Variants in TMEM14B observed in about 807,000 individuals in gnomAD.
The protein encoded by TMEM14B is transmembrane protein 14B.
Under a neutral mutation model 14.8 loss-of-function variants are expected in TMEM14B, and 9 were observed. The observed-to-expected ratio is 0.61, with a 90% CI of 0.37 to 1.06. The LOEUF is 1.06. TMEM14B is among the 50% of genes least tolerant of loss of function. The pLI is 0.01. For synonymous variants in TMEM14B, 40 were observed against 51.3 expected, an observed-to-expected ratio of 0.78 and a Z score of 0.94; for missense variants, 128 against 143.6, an observed-to-expected ratio of 0.89 and a Z score of 0.56.
chr6:10,751,233 A>G lies in TMEM14B; in HGVS notation c.201A>G (p.Leu67=), dbSNP rs1771550540. 1 of 1,613,564 alleles carries G rather than the reference A, an allele frequency of 6.2e-7. No individual in the cohort carries two copies. Among genetic ancestry groups the G allele is most frequent in the South Asian group, 1.1e-5 (1 of 91,086 alleles). ...YQDPRNVWGF[L]AATSVTFVGV... Reference sequence around the variant, plus strand: ...ATCCAAGGAACGTTTGGGGTTTCCTAGGTATGTCTGCTTCAGCGTCTCCTT... The same window carrying G: ...ATCCAAGGAACGTTTGGGGTTTCCTGGGTATGTCTGCTTCAGCGTCTCCTT... Residue 67 remains leucine (L), a splice_region_variant and synonymous_variant, in exon 4 of 6, where the codon CTA becomes CTG. Coordinates refer to ENST00000379542, the MANE Select transcript of TMEM14B (RefSeq NM_030969.5).
At chr6:10,749,775 A>G in intron 3 of TMEM14B, 77 bp downstream of exon 3, 3 of 1,566,138 alleles carry the variant, frequency 1.9e-6, no homozygotes, top group Non-Finnish European at 1.8e-6. Context: ...TGTCCCTGAG[A>G]AGCAATCTCG....
intron 5 of TMEM14B, among the ~76,000 whole-genome samples, chr6:10,756,010 G>A (rs1051349346): frequency 3.9e-5 from 6 of 152,020 alleles, no homozygotes; most frequent in African/African-American, 1.5e-4. Context: ...TGAAGGCAGG[G>A]GAATTTTTAA....
chr6:10,759,626 T>C (rs1325991921), downstream of TMEM14B: 2 of 152,204 alleles, frequency 1.3e-5, no homozygotes, highest in Non-Finnish European at 2.9e-5. Flanking sequence ...GCAAACTTGT[T>C]CTGTAAAGGG....
At chr6:10,753,863 A>G (rs1771693525) in intron 4 of TMEM14B, among the ~76,000 whole-genome samples, 1 of 151,034 alleles carries the variant, frequency 6.6e-6, no homozygotes, top group Admixed American at 6.6e-5. Flanking sequence ...TCCTAGTCCC[A>G]GTTATCCCCT....
intron 3 of TMEM14B, 26 bp from the exon 4 acceptor site, chr6:10,751,107 T>C (rs760279788): frequency 4.0e-5 from 64 of 1,612,246 alleles, no homozygotes; most frequent in Non-Finnish European, 5.0e-5. Context: ...GACATTACAA[T>C]GCAAGCTGCG....
chr6:10,756,879 G>A lies in TMEM14B; in HGVS notation c.*361G>A. ...AACAGTGTGAAAAAAAATCTCTTGA[G>A]AGATTTAGAATATCTTTTCTTTTGC... is the stretch of plus-strand genomic sequence containing the variant. On this transcript the variant is annotated 3_prime_UTR_variant, in exon 6 of 6. Transcript: ENST00000379542. 1.0e-6 allele frequency: 1 copy of A among 991,382 alleles called. No homozygotes were observed. Among genetic ancestry groups the A allele is most frequent in the African/African-American group, 1.7e-5 (1 of 57,574 alleles). The allele number at this position is 991,382 out of a possible 1,614,324, so 61.4% of individuals were successfully genotyped here. A position where few individuals can be genotyped will look rare whatever the true frequency, so the allele number is the denominator to read the frequency against.
chr6:10,750,881 G>A (rs1771525558), intron 3 of TMEM14B, among the ~76,000 whole-genome samples: 1 of 152,018 alleles, frequency 6.6e-6, no homozygotes, highest in African/African-American at 2.4e-5. Context: ...AAGGAGGGAA[G>A]ATGGCCTTCT....
In TMEM14B at chr6:10,751,156, G is replaced by T. The variant is rs17849403; in HGVS notation, c.124G>T (p.Gly42Trp). The part of the protein sequence containing the change: ...KTGSVPSLAA[G>W]LLFGSLAGLG... Reference sequence around the variant, plus strand: ...AGGCAGCGTGCCGTCCCTGGCTGCAGGGCTGCTCTTCGGCAGTCTAGCCGG... The same window carrying T: ...AGGCAGCGTGCCGTCCCTGGCTGCATGGCTGCTCTTCGGCAGTCTAGCCGG... Residue 42 changes from glycine to tryptophan, a missense_variant, in exon 4 of 6, where the codon GGG (glycine) becomes TGG (tryptophan). By Grantham distance (184) the Gly-to-Trp change is radical. Transcript: ENST00000379542. 6.1e-3 allele frequency: 9,903 copies of T among 1,613,908 alleles called. 50 individuals are homozygous for T. Among genetic ancestry groups the T allele is most frequent in the Non-Finnish European group, 6.7e-3 (7,960 of 1,180,016 alleles).
chr6:10,751,745 A>G (rs993097221), intron 4 of TMEM14B, among the ~76,000 whole-genome samples: 2 of 152,092 alleles, frequency 1.3e-5, no homozygotes, highest in East Asian at 3.9e-4. Context: ...TAAATATATA[A>G]GACGTAGACC....
In TMEM14B at chr6:10,749,785, G is replaced by A. The variant is rs116741316; in HGVS notation, c.100+87G>A. On this transcript the variant is annotated intron_variant, in intron 3 of 5. Coordinates refer to ENST00000379542, the MANE Select transcript of TMEM14B (RefSeq NM_030969.5). ...GCCTGTGTCCCTGAGAAGCAATCTC[G>A]TTTGACTCAGCTTTGCTGTAGGTCC... 1,955 of 1,520,096 alleles carry A rather than the reference G, an allele frequency of 1.3e-3. 18 individuals are homozygous for A. In the African/African-American group the frequency reaches 0.023, roughly 18 times the overall value. The allele number at this position is 1,520,096 out of a possible 1,614,324, so 94.2% of individuals were successfully genotyped here.
In TMEM14B at chr6:10,756,607, A is replaced by T; in HGVS notation, c.*89A>T. 1 of 1,517,368 alleles carries T rather than the reference A, an allele frequency of 6.6e-7. No homozygotes were observed. 94.0% of individuals were successfully genotyped at this position (1,517,368 alleles called of 1,614,324 possible). ...ATGTATTAAGAGAAATAAGTGCAGCATTTTTGCATCTGACATTTTACCTAA... is the reference window on the plus strand; with the variant it reads ...ATGTATTAAGAGAAATAAGTGCAGCTTTTTTGCATCTGACATTTTACCTAA... On this transcript the variant is annotated 3_prime_UTR_variant, in exon 6 of 6. Transcript: ENST00000379542.
chr6:10,755,672 A>G (rs1028613037), intron 5 of TMEM14B: 2 of 1,081,786 alleles, frequency 1.8e-6, no homozygotes, highest in Non-Finnish European at 2.2e-6. Flanking sequence ...ATGTAGTTGT[A>G]GGCCAGGCAC....
At chr6:10,755,300 T>G (rs759717337) in intron 5 of TMEM14B, 68 bp downstream of exon 5, 1 of 1,608,456 alleles carries the variant, frequency 6.2e-7, no homozygotes, top group South Asian at 1.1e-5. Context: ...ACTTTATGCA[T>G]TCAAAACCTT....
intron 4 of TMEM14B, 48 bp from the exon 5 acceptor site, chr6:10,755,094 C>T: frequency 3.1e-6 from 5 of 1,597,566 alleles, no homozygotes; most frequent in Non-Finnish European, 4.3e-6. Context: ...TCTGATTCCC[C>T]TGCGTAGAAG....
Position 10,756,456 on chromosome 6 carries a change from G to A in TMEM14B, c.294-11G>A. On this transcript the variant is annotated splice_polypyrimidine_tract_variant and intron_variant, in intron 5 of 5. Coordinates refer to ENST00000379542, the MANE Select transcript of TMEM14B (RefSeq NM_030969.5). ...TTACCTGATGTTTTCTATCTTACTT[G>A]TTTTAAACAGTTTGCTGATGGCCGC... 6.2e-7 allele frequency: 1 copy of A among 1,613,498 alleles called. No homozygotes were observed. Among genetic ancestry groups the A allele is most frequent in the Non-Finnish European group, 8.5e-7 (1 of 1,179,770 alleles).
chr6:10,757,879 T>TA (rs1771859090), downstream of TMEM14B, among the ~76,000 whole-genome samples: 1 of 151,822 alleles, frequency 6.6e-6, no homozygotes, highest in South Asian at 2.1e-4. Flanking sequence ...TAATCCCAGC[T>TA]ATTCAGGAGG....
chr6:10,755,532 G>A, intron 5 of TMEM14B: 3 of 1,361,064 alleles, frequency 2.2e-6, no homozygotes, highest in South Asian at 2.1e-5. Flanking sequence ...TGCGGAGGAT[G>A]TGTGGGGGTC....
At position 10,751,114 on chromosome 6, in the gene TMEM14B, T is replaced by C; in HGVS notation, c.101-19T>C. On this transcript the variant is annotated intron_variant, in intron 3 of 5. Transcript: ENST00000379542. ...AAGTGCCTGACATTACAATGCAAGCTGCGTTTGCTTCCTTCTAGGCAGCGT... is the reference window on the plus strand; with the variant it reads ...AAGTGCCTGACATTACAATGCAAGCCGCGTTTGCTTCCTTCTAGGCAGCGT... The C allele has an allele frequency of 6.2e-7, 1 of 1,612,820 alleles. No homozygotes were observed. Among genetic ancestry groups the C allele is most frequent in the Non-Finnish European group, 8.5e-7 (1 of 1,179,806 alleles).
At position 10,751,343 on chromosome 6, in the gene TMEM14B, C is replaced by T. The variant is rs558104171; in HGVS notation, c.202+109C>T. 3.3e-6 allele frequency: 4 copies of T among 1,225,504 alleles called. No individual in the cohort carries two copies. In the East Asian group the frequency reaches 7.2e-5, roughly 22 times the overall value. The allele number at this position is 1,225,504 out of a possible 1,614,324, so 75.9% of individuals were successfully genotyped here. A position where few individuals can be genotyped will look rare whatever the true frequency, so the allele number is the denominator to read the frequency against. ...CGAGTTCTTCCCACTTAATTTACGA[C>T]AGTTTCACTGCTTCTCCAAGTCCAA... On this transcript the variant is annotated intron_variant, in intron 4 of 5. Coordinates refer to ENST00000379542, the MANE Select transcript of TMEM14B (RefSeq NM_030969.5).
Sources: gnomAD v4.1 joint callset for allele counts (sites outside exome capture counted in the v4.1 genomes callset) on GRCh38, gnomAD v4.1.1 for gene constraint, MANE v1.5 for transcripts, NCBI Gene and HGNC (gene_info 2026-07-23, HGNC 2026-07-21) for gene names.